Variants in ASB7 observed in about 807,000 individuals in gnomAD.
ASB7 encodes the protein ankyrin repeat and SOCS box containing 7.
In ASB7, 4 loss-of-function variants were observed where a neutral mutation model predicts 32.5. The observed-to-expected ratio is 0.12, with a 90% CI of 0.06 to 0.28. The LOEUF (loss-of-function observed/expected upper bound fraction) is 0.28, where lower values mean the gene tolerates loss of function less well. Among genes scored for constraint, ASB7 ranks in the 10% least tolerant of loss-of-function variants. The pLI, the probability that ASB7 is intolerant of heterozygous loss-of-function variation, is 1.00. For synonymous variants in ASB7, 172 were observed against 155.6 expected (o/e 1.11, Z -0.78); for missense variants, 181 against 407.1 (o/e 0.44, Z 4.78).
chr15:100,650,506 C>T lies in ASB7; in HGVS notation c.*2044C>T, dbSNP rs1411658997. 1 of 152,148 alleles carries T rather than the reference C, an allele frequency of 6.6e-6. No individual in the cohort carries two copies. The highest frequency in any genetic ancestry group is 2.4e-5 in the African/African-American group (1 of 41,430). The allele number at this position is 152,148 out of a possible 1,614,324, so 9.4% of individuals were successfully genotyped here. ...TCTCATCAGTGATGTTCATGTTACA[C>T]TTGCACAAGGGCTGATTTCCACGTA... On this transcript the variant is annotated 3_prime_UTR_variant, in exon 6 of 6. Coordinates refer to ENST00000332783, the MANE Select transcript of ASB7 (RefSeq NM_198243.3).
In ASB7 at chr15:100,649,806, C is replaced by G. The variant is rs1454364081; in HGVS notation, c.*1344C>G. The G allele has an allele frequency of 6.6e-6, 1 of 152,178 alleles. No individual in the cohort carries two copies. Among genetic ancestry groups the G allele is most frequent in the African/African-American group, 2.4e-5 (1 of 41,450 alleles). The allele number at this position is 152,178 out of a possible 1,614,324, so 9.4% of individuals were successfully genotyped here. Reference sequence around the variant, plus strand: ...TTTGTGTTATTAACTTCAGAAGAACCTTTTCAAATGTCCCAGTATCGTTCT... The same window carrying G: ...TTTGTGTTATTAACTTCAGAAGAACGTTTTCAAATGTCCCAGTATCGTTCT... On this transcript the variant is annotated 3_prime_UTR_variant, in exon 6 of 6. Coordinates refer to ENST00000332783, the MANE Select transcript of ASB7 (RefSeq NM_198243.3).
In ASB7 at chr15:100,602,772, C is replaced by G; in HGVS notation, c.-547C>G. The G allele has an allele frequency of 5.2e-6, 2 of 388,102 alleles. No individual in the cohort carries two copies. Among genetic ancestry groups the G allele is most frequent in the Non-Finnish European group, 9.1e-6 (2 of 220,062 alleles). 24.0% of individuals were successfully genotyped at this position (388,102 alleles called of 1,614,324 possible). A position where few individuals can be genotyped will look rare whatever the true frequency, so the allele number is the denominator to read the frequency against. On this transcript the variant is annotated 5_prime_UTR_variant, in exon 1 of 6. Coordinates refer to ENST00000332783, the MANE Select transcript of ASB7 (RefSeq NM_198243.3). ...GCCTCCGGCCCGGAGCGCGGCAGCC[C>G]CCTGCTCCGAGCCCTGGACCGGGAC...
intron 4 of ASB7, among the ~76,000 whole-genome samples, chr15:100,628,028 CTTAAAT>C (rs1293497570): frequency 6.6e-6 from 1 of 152,206 alleles, no homozygotes; most frequent in Non-Finnish European, 1.5e-5. Flanking sequence ...TCTTACCCTA[CTTAAAT>C]TTAAGTCCTG....
chr15:100,602,817 G>A lies in ASB7; in HGVS notation c.-502G>A. 1 of 389,886 alleles carries A rather than the reference G, an allele frequency of 2.6e-6. No homozygotes were observed. The highest frequency in any genetic ancestry group is 4.5e-6 in the Non-Finnish European group (1 of 221,068). 24.2% of individuals were successfully genotyped at this position (389,886 alleles called of 1,614,324 possible). The stretch of plus-strand genomic sequence containing the variant: ...CGGGACTGCCCCCCCACCCGAGCCA[G>A]GACTTCCTCCCTGCCTCCCTGCACC... On this transcript the variant is annotated 5_prime_UTR_variant, in exon 1 of 6. Coordinates refer to ENST00000332783, the MANE Select transcript of ASB7 (RefSeq NM_198243.3).
At chr15:100,646,387 G>T in intron 5 of ASB7, 1 of 391,258 alleles carries the variant, frequency 2.6e-6, no homozygotes, top group Admixed American at 2.4e-5. Context: ...TTGGGGTGCG[G>T]TGTACTTCTC....
rs2141380609 is a variant in ASB7 at position 100,603,018 on chromosome 15, A to T, written c.-301A>T. 1 of 399,246 alleles carries T rather than the reference A, an allele frequency of 2.5e-6. No individual in the cohort carries two copies. Among genetic ancestry groups the T allele is most frequent in the East Asian group, 3.6e-5 (1 of 28,080 alleles). The allele number at this position is 399,246 out of a possible 1,614,324, so 24.7% of individuals were successfully genotyped here. On this transcript the variant is annotated 5_prime_UTR_variant, in exon 1 of 6. Coordinates refer to ENST00000332783, the MANE Select transcript of ASB7 (RefSeq NM_198243.3). ...GGTGAGTGTAGAGGAGGCTGAAAGG[A>T]GGAAGAGAAGCAGCAGCTGAGGAGA...
chr15:100,630,066 A>T, intron 5 of ASB7, 24 bp downstream of exon 5: 1 of 1,524,924 alleles, frequency 6.6e-7, no homozygotes, highest in Non-Finnish European at 8.8e-7. Flanking sequence ...TTATTACTTT[A>T]TTGCATTTTT....
chr15:100,606,926 G>A (rs1309092640), intron 2 of ASB7, among the ~76,000 whole-genome samples: 1 of 152,008 alleles, frequency 6.6e-6, no homozygotes, highest in Non-Finnish European at 1.5e-5. Flanking sequence ...AGGCCGAGGC[G>A]GGCGGATCAC....
At chr15:100,605,879 T>C (rs576213487) in intron 2 of ASB7, among the ~76,000 whole-genome samples, 1 of 152,354 alleles carries the variant, frequency 6.6e-6, no homozygotes, top group Admixed American at 6.5e-5. Context: ...AAATTATTGG[T>C]TTCTCTGCTG....
intron 4 of ASB7, among the ~76,000 whole-genome samples, chr15:100,622,199 A>ATAAAAAGAAAAAAG (rs2039798206): frequency 9.4e-5 from 1 of 10,620 alleles, no homozygotes; most frequent in Non-Finnish European, 2.1e-4. Flanking sequence ...TATAATAGCT[A>ATAAAAAGAAAAAAG]CAAAAAGAAA....
intron 2 of ASB7, among the ~76,000 whole-genome samples, chr15:100,607,165 A>AG (rs2039653068): frequency 6.6e-6 from 1 of 151,954 alleles, no homozygotes; most frequent in African/African-American, 2.4e-5. Flanking sequence ...AAAAAAAAAA[A>AG]GAAAATTACT....
At chr15:100,646,021 G>T in intron 5 of ASB7, 2 of 446,128 alleles carry the variant, frequency 4.5e-6, no homozygotes, top group South Asian at 3.8e-5. Context: ...TGTAGGGACA[G>T]TAGACCAGAT....
chr15:100,644,554 G>A (rs146634430), intron 5 of ASB7, among the ~76,000 whole-genome samples: 13 of 152,204 alleles, frequency 8.5e-5, no homozygotes, highest in Middle Eastern at 6.8e-3. Context: ...ACTCATATTC[G>A]CCGAGTACCG....
chr15:100,630,087 C>A, intron 5 of ASB7, 45 bp downstream of exon 5: 1 of 1,485,988 alleles, frequency 6.7e-7, no homozygotes, highest in East Asian at 2.4e-5. Context: ...TAAAAATTTG[C>A]ATCTTCTGAG....
At chr15:100,636,959 C>T (rs925394862) in intron 5 of ASB7, among the ~76,000 whole-genome samples, 1 of 152,194 alleles carries the variant, frequency 6.6e-6, no homozygotes, top group African/African-American at 2.4e-5. Context: ...TAGCGTGAAT[C>T]GAGACAGTGG....
intron 5 of ASB7, among the ~76,000 whole-genome samples, chr15:100,643,782 C>T (rs372394822): frequency 5.9e-5 from 9 of 151,640 alleles, no homozygotes; most frequent in Admixed American, 2.6e-4. Context: ...CATGATGCAC[C>T]GCGCCCAGCC....
chr15:100,645,217 C>T (rs1191025272), intron 5 of ASB7, among the ~76,000 whole-genome samples: 1 of 151,918 alleles, frequency 6.6e-6, no homozygotes, highest in African/African-American at 2.4e-5. Context: ...AGAATGCAAG[C>T]CACAGTTTCT....
chr15:100,630,830 A>G (rs2039878001), intron 5 of ASB7, among the ~76,000 whole-genome samples: 2 of 152,206 alleles, frequency 1.3e-5, no homozygotes, highest in South Asian at 4.1e-4. Flanking sequence ...CTCATGCTTA[A>G]TGTCCACCAT....
At chr15:100,631,266 A>C (rs1049851430) in intron 5 of ASB7, among the ~76,000 whole-genome samples, 8 of 152,186 alleles carry the variant, frequency 5.3e-5, no homozygotes, top group African/African-American at 1.7e-4. Flanking sequence ...GCTGCTGAGC[A>C]CCTATTAATG....
Sources: gnomAD v4.1 joint callset for allele counts (sites outside exome capture counted in the v4.1 genomes callset) on GRCh38, gnomAD v4.1.1 for gene constraint, MANE v1.5 for transcripts, NCBI Gene and HGNC (gene_info 2026-07-23, HGNC 2026-07-21) for gene names.